Variants in THNSL1 observed in about 807,000 individuals in gnomAD.
THNSL1 encodes the protein threonine synthase like 1.
Under a neutral mutation model 50.4 loss-of-function variants are expected in THNSL1, and 48 were observed. The ratio of observed to expected loss-of-function variants is 0.95; its 90% confidence interval spans 0.76 to 1.21. The LOEUF (loss-of-function observed/expected upper bound fraction) is 1.21, where lower values mean the gene tolerates loss of function less well. THNSL1 is among the 50% of genes most tolerant of loss of function. The pLI is 0.00. For missense variants in THNSL1, 896 were observed against 871.7 expected, an observed-to-expected ratio of 1.03 and a Z score of -0.35; for synonymous variants, 309 against 306.1, an observed-to-expected ratio of 1.01 and a Z score of -0.10.
chr10:25,017,851 C>T (rs1850638430), intron 1 of THNSL1, among the ~76,000 whole-genome samples: 2 of 151,974 alleles, frequency 1.3e-5, no homozygotes, highest in Non-Finnish European at 2.9e-5. Flanking sequence ...AAAAATTTGG[C>T]GGGAAACCTC....
chr10:25,014,925 T>G (rs1191085758), upstream of THNSL1, among the ~76,000 whole-genome samples: 2 of 152,204 alleles, frequency 1.3e-5, no homozygotes, highest in African/African-American at 2.4e-5. Flanking sequence ...TATTATCTGG[T>G]ACATTTATCT....
chr10:25,005,529 C>A, the THNSL1 span, among the ~76,000 whole-genome samples: 1 of 152,042 alleles, frequency 6.6e-6, no homozygotes, highest in Non-Finnish European at 1.5e-5. Context: ...TCAATTTTTC[C>A]CAGTATTACT....
the THNSL1 span, among the ~76,000 whole-genome samples, chr10:25,010,929 G>T: frequency 6.6e-6 from 1 of 151,806 alleles, no homozygotes; most frequent in Non-Finnish European, 1.5e-5. Flanking sequence ...CTTTATAGCA[G>T]CATGATTTAT....
At position 25,025,164 on chromosome 10, in the gene THNSL1, A is replaced by C. The variant is rs771803546; in HGVS notation, c.1941A>C (p.Lys647Asn). ...YILDPHTAVA[K>N]VVADRVQDKT... ...TGGATCCACACACTGCTGTTGCAAA[A>C]GTGGTTGCAGATAGGGTGCAAGACA... The change falls in exon 3 of 3, where the codon AAA (lysine) becomes AAC (asparagine). Residue 647 changes from lysine (K) to asparagine (N), a missense_variant. Lys to Asn is a moderately conservative substitution (Grantham distance 94, BLOSUM62 0). Transcript: ENST00000376356. 8.7e-6 allele frequency: 14 copies of C among 1,614,174 alleles called. No individual in the cohort carries two copies. The highest frequency in any genetic ancestry group is 1.1e-5 in the Non-Finnish European group (13 of 1,180,024).
chr10:24,976,332 G>GAA, the THNSL1 span, among the ~76,000 whole-genome samples: 1 of 151,998 alleles, frequency 6.6e-6, no homozygotes, highest in Admixed American at 6.6e-5. Flanking sequence ...TCAAGAAAGA[G>GAA]AAAAACACAA....
chr10:24,958,214 C>T, the THNSL1 span, among the ~76,000 whole-genome samples: 1 of 152,012 alleles, frequency 6.6e-6, no homozygotes, highest in Non-Finnish European at 1.5e-5. Flanking sequence ...ACCTTTCAGT[C>T]TGGGAATTGT....
intron 1 of THNSL1, among the ~76,000 whole-genome samples, chr10:25,020,740 C>CA (rs36007062): frequency 0.018 from 2,443 of 133,980 alleles, 36 homozygotes; most frequent in Non-Finnish European, 0.025. Flanking sequence ...GACCCTTTCT[C>CA]AAAAAAAAAA....
Position 25,025,039 on chromosome 10 carries a change from C to G in THNSL1, c.1816C>G (p.Leu606Val), listed in dbSNP as rs1206686666. Residue 606 changes from leucine to valine, a missense_variant, in exon 3 of 3, where the codon CTA becomes GTA. Leu to Val is a conservative substitution (Grantham distance 32). Transcript: ENST00000376356. ...SQHHFQIEKA[L>V]VEKLQQDFVA... The stretch of plus-strand genomic sequence containing the variant: ...GCATCATTTCCAGATAGAAAAGGCT[C>G]TAGTTGAGAAACTTCAGCAGGATTT... 1.5e-5 allele frequency: 24 copies of G among 1,614,192 alleles called. No homozygotes were observed. Among genetic ancestry groups the G allele is most frequent in the Non-Finnish European group, 1.9e-5 (23 of 1,180,046 alleles).
chr10:24,974,879 G>T, the THNSL1 span, among the ~76,000 whole-genome samples: 2 of 152,276 alleles, frequency 1.3e-5, no homozygotes, highest in East Asian at 3.9e-4. Flanking sequence ...GTACAGTGAG[G>T]TGGTGATCCA....
At chr10:24,997,184 C>T in the THNSL1 span, among the ~76,000 whole-genome samples, 1 of 151,846 alleles carries the variant, frequency 6.6e-6, no homozygotes, top group South Asian at 2.1e-4. Context: ...TGTGAATAGC[C>T]ACCACACACT....
the THNSL1 span, chr10:24,953,515 CCTT>C: frequency 6.6e-6 from 1 of 152,258 alleles, no homozygotes; most frequent in Non-Finnish European, 1.5e-5. Context: ...GATTAGAAAT[CCTT>C]CTTGTATGAG....
At chr10:24,976,790 G>C in the THNSL1 span, among the ~76,000 whole-genome samples, 4 of 152,112 alleles carry the variant, frequency 2.6e-5, no homozygotes, top group African/African-American at 9.7e-5. Flanking sequence ...CACCACACCT[G>C]GCTATAAAGC....
the THNSL1 span, among the ~76,000 whole-genome samples, chr10:24,997,591 G>C: frequency 2.6e-5 from 4 of 151,840 alleles, no homozygotes; most frequent in Admixed American, 2.6e-4. Context: ...GTCTCACTTT[G>C]TTGCTCAGGC....
At chr10:24,988,077 A>C in the THNSL1 span, among the ~76,000 whole-genome samples, 427 of 151,832 alleles carry the variant, frequency 2.8e-3, 4 homozygotes, top group African/African-American at 9.0e-3. Flanking sequence ...CAAAAAAATT[A>C]GGTGGGCGTG....
chr10:25,002,417 G>A, the THNSL1 span, among the ~76,000 whole-genome samples: 4,391 of 152,230 alleles, frequency 0.029, 144 homozygotes, highest in African/African-American at 0.078. Flanking sequence ...CCTTAACTCA[G>A]GGAGACTCCT....
the THNSL1 span, chr10:24,984,841 G>T: frequency 6.2e-7 from 1 of 1,613,574 alleles, no homozygotes; most frequent in African/African-American, 1.3e-5. Context: ...CTTTGGTATA[G>T]AATCTATAAA....
At chr10:25,018,403 A>G (rs1264142351) in intron 1 of THNSL1, among the ~76,000 whole-genome samples, 1 of 152,242 alleles carries the variant, frequency 6.6e-6, no homozygotes, top group Non-Finnish European at 1.5e-5. Context: ...AAAGGGGTAG[A>G]CAGTAAATAT....
chr10:24,984,536 G>C, the THNSL1 span: 1 of 1,125,170 alleles, frequency 8.9e-7, no homozygotes, highest in Admixed American at 3.0e-5. Flanking sequence ...TGTGGAAAAC[G>C]TGACACTAGT....
chr10:24,975,645 C>G, the THNSL1 span, among the ~76,000 whole-genome samples: 3 of 152,152 alleles, frequency 2.0e-5, no homozygotes, highest in Non-Finnish European at 2.9e-5. Context: ...TTCCTACACA[C>G]GCTCTCTCAC....
Sources: allele counts gnomAD v4.1 joint callset (sites outside exome capture counted in the v4.1 genomes callset), GRCh38; gene constraint gnomAD v4.1.1; transcripts MANE v1.5; gene names NCBI Gene and HGNC (gene_info 2026-07-23, HGNC 2026-07-21).